Variants in R3HDM1 observed in about 807,000 individuals in gnomAD.
R3HDM1 encodes the protein R3H domain containing 1.
Under a neutral mutation model 141.1 loss-of-function variants are expected in R3HDM1, and 46 were observed. The ratio of observed to expected loss-of-function variants is 0.33; its 90% CI spans 0.26 to 0.42. The LOEUF is 0.42. Among genes scored for constraint, R3HDM1 ranks in the 10% least tolerant of loss-of-function variants. The pLI is 1.00. For synonymous variants in R3HDM1, 435 were observed against 472.9 expected, an observed-to-expected ratio of 0.92 and a Z score of 1.04; for missense variants, 1,184 against 1,368.3, an observed-to-expected ratio of 0.87 and a Z score of 2.12.
At chr2:135,571,237 GA>G (rs1011672050) in intron 1 of R3HDM1, among the ~76,000 whole-genome samples, 1 of 151,826 alleles carries the variant, frequency 6.6e-6, no homozygotes, top group African/African-American at 2.4e-5. Flanking sequence ...TTCACAGATG[GA>G]AAAAAATATT....
At chr2:135,708,162 G>A (rs1445156646) in intron 21 of R3HDM1, among the ~76,000 whole-genome samples, 1 of 152,078 alleles carries the variant, frequency 6.6e-6, no homozygotes, top group Non-Finnish European at 1.5e-5. Context: ...ATATCCATGA[G>A]TATTTCAGCA....
chr2:135,600,436 A>G lies in R3HDM1; in HGVS notation c.-249-2064A>G, dbSNP rs140585209. Among the ~76,000 whole-genome samples the G allele has an allele frequency of 5.8e-4, 89 of 152,286 alleles. No individual in the cohort carries two copies. In the East Asian group the frequency reaches 0.016, roughly 27 times the overall value. ...GGGATTCTGACCAGAGAAGACAGCT[A>G]ACATTTTTGGAGGGCCTGCCCTGGG... On this transcript the variant is annotated intron_variant, in intron 1 of 26. Coordinates refer to ENST00000683871, the MANE Select transcript of R3HDM1 (RefSeq NM_001378107.1).
intron 1 of R3HDM1, among the ~76,000 whole-genome samples, chr2:135,575,019 A>G (rs1035061215): frequency 6.6e-6 from 1 of 152,198 alleles, no homozygotes; most frequent in African/African-American, 2.4e-5. Context: ...AAGAAAGACT[A>G]TCTCTGCAGA....
intron 1 of R3HDM1, among the ~76,000 whole-genome samples, chr2:135,600,962 A>G (rs2059577506): frequency 6.6e-6 from 1 of 152,124 alleles, no homozygotes; most frequent in Middle Eastern, 3.4e-3. Flanking sequence ...CCCTGCAGCT[A>G]TTGCCTTATC....
intron 6 of R3HDM1, 88 bp from the exon 7 acceptor site, chr2:135,622,566 T>C (rs911894443): frequency 1.4e-6 from 2 of 1,403,604 alleles, no homozygotes; most frequent in South Asian, 3.5e-5. Flanking sequence ...TCTTGTTTTA[T>C]TTAAGATATA....
At position 135,621,635 on chromosome 2, in the gene R3HDM1, A is replaced by T. The variant is rs575180671; in HGVS notation, c.418+27A>T. ...TTTGCAGTTCTTTTGTTTTTTTTTA[A>T]AAAAAAATTTTGCTATCAGTAATTC... On this transcript the variant is annotated intron_variant, in intron 6 of 26. Transcript: ENST00000683871. 2,234 of 1,519,130 alleles carry T rather than the reference A, an allele frequency of 1.5e-3. 35 individuals are homozygous for T. In the African/African-American group the frequency reaches 0.029, roughly 20 times the overall value. 94.1% of individuals were successfully genotyped at this position (1,519,130 alleles called of 1,614,324 possible).
At chr2:135,571,441 T>TAA in intron 1 of R3HDM1, among the ~76,000 whole-genome samples, 1 of 151,988 alleles carries the variant, frequency 6.6e-6, no homozygotes, top group Non-Finnish European at 1.5e-5. Flanking sequence ...TTCTTCTGCC[T>TAA]CAGCCTCCCG....
intron 19 of R3HDM1, 23 bp from the exon 20 acceptor site, chr2:135,675,309 T>C (rs2068992843): frequency 6.3e-7 from 1 of 1,599,612 alleles, no homozygotes. Context: ...CAGAGCAGGA[T>C]TTAACTCATT....
intron 1 of R3HDM1, among the ~76,000 whole-genome samples, chr2:135,536,174 C>CAAAATG (rs1696060550): frequency 6.6e-6 from 1 of 152,112 alleles, no homozygotes; most frequent in Non-Finnish European, 1.5e-5. Flanking sequence ...GGGATTCACC[C>CAAAATG]TGTCACCCAG....
At chr2:135,705,867 C>T (rs1276379761) in intron 21 of R3HDM1, among the ~76,000 whole-genome samples, 9 of 152,126 alleles carry the variant, frequency 5.9e-5, no homozygotes, top group East Asian at 1.9e-4. Flanking sequence ...CAGTGGCTCA[C>T]GCCTGCAATC....
chr2:135,547,898 C>G (rs1214105449), intron 1 of R3HDM1, among the ~76,000 whole-genome samples: 2 of 151,470 alleles, frequency 1.3e-5, no homozygotes, highest in East Asian at 1.9e-4. Context: ...CTCAGCCTCC[C>G]GAGTAGCTGG....
chr2:135,579,714 C>G (rs539220106), intron 1 of R3HDM1, among the ~76,000 whole-genome samples: 1 of 152,038 alleles, frequency 6.6e-6, no homozygotes, highest in African/African-American at 2.4e-5. Context: ...ATTTCACTTC[C>G]GCGGTATCCC....
intron 1 of R3HDM1, among the ~76,000 whole-genome samples, chr2:135,541,257 G>A (rs1417809430): frequency 4.6e-5 from 7 of 152,056 alleles, no homozygotes; most frequent in Admixed American, 4.6e-4. Context: ...CTGGAGTGCA[G>A]TAGCGCAATC....
intron 1 of R3HDM1, among the ~76,000 whole-genome samples, chr2:135,560,200 G>A (rs1701543235): frequency 6.6e-6 from 1 of 152,188 alleles, no homozygotes. Context: ...GTAACATTGT[G>A]AGCATACTAA....
chr2:135,690,572 G>A (rs16831946), intron 21 of R3HDM1, among the ~76,000 whole-genome samples: 10,947 of 152,152 alleles, frequency 0.072, 804 homozygotes, highest in African/African-American at 0.19. Context: ...GATAACCTAT[G>A]TATGATTTTG....
At chr2:135,573,543 T>A (rs1228797410) in intron 1 of R3HDM1, among the ~76,000 whole-genome samples, 1 of 152,018 alleles carries the variant, frequency 6.6e-6, no homozygotes, top group Non-Finnish European at 1.5e-5. Flanking sequence ...TTTTTTTTTT[T>A]TAAGGTTTCC....
At chr2:135,611,269 A>T (rs1365188057) in intron 3 of R3HDM1, among the ~76,000 whole-genome samples, 1 of 149,462 alleles carries the variant, frequency 6.7e-6, no homozygotes, top group Non-Finnish European at 1.5e-5. Flanking sequence ...AAAAAAACAC[A>T]AACAATTAGG....
intron 1 of R3HDM1, among the ~76,000 whole-genome samples, chr2:135,554,411 T>C (rs1700352413): frequency 6.6e-6 from 1 of 152,220 alleles, no homozygotes; most frequent in Non-Finnish European, 1.5e-5. Context: ...TATTCATCAG[T>C]TGGTGGATAT....
chr2:135,567,365 A>G (rs1388653865), intron 1 of R3HDM1, among the ~76,000 whole-genome samples: 1 of 152,184 alleles, frequency 6.6e-6, no homozygotes, highest in Non-Finnish European at 1.5e-5. Context: ...CATTTTTCCC[A>G]AAGATGAATG....
Sources: allele counts gnomAD v4.1 joint callset (sites outside exome capture counted in the v4.1 genomes callset), GRCh38; gene constraint gnomAD v4.1.1; transcripts MANE v1.5; gene names NCBI Gene and HGNC (gene_info 2026-07-23, HGNC 2026-07-21).